ASIC2: variants seen among roughly 807,000 people sequenced by gnomAD.
The protein encoded by ASIC2 is acid sensing ion channel subunit 2.
Under a neutral mutation model 57.3 loss-of-function variants are expected in ASIC2, and 25 were observed. The ratio of observed to expected loss-of-function variants is 0.44; its 90% CI spans 0.32 to 0.61. The LOEUF (loss-of-function observed/expected upper bound fraction) is 0.61, where lower values mean the gene tolerates loss of function less well. Among genes scored for constraint, ASIC2 ranks in the 20% least tolerant of loss-of-function variants. ASIC2 has a pLI of 0.06. For synonymous variants in ASIC2, 319 were observed against 307.5 expected (o/e 1.04, Z -0.39); for missense variants, 641 against 738.1 (o/e 0.87, Z 1.52).
At chr17:33,188,968 G>A (rs1270685215) in intron 1 of ASIC2, among the ~76,000 whole-genome samples, 1 of 152,156 alleles carries the variant, frequency 6.6e-6, no homozygotes, top group East Asian at 1.9e-4. Flanking sequence ...TATAGCATAT[G>A]TAGAAGAAAA....
At chr17:33,604,894 T>A (rs148675893) in intron 1 of ASIC2, among the ~76,000 whole-genome samples, 4 of 152,300 alleles carry the variant, frequency 2.6e-5, no homozygotes, top group African/African-American at 9.6e-5. Flanking sequence ...GGAATTAGGA[T>A]GTTTCCAAAG....
At chr17:33,584,362 A>G (rs1305374820) in intron 1 of ASIC2, among the ~76,000 whole-genome samples, 1 of 152,162 alleles carries the variant, frequency 6.6e-6, no homozygotes, top group Non-Finnish European at 1.5e-5. Flanking sequence ...GGGGTGGCTA[A>G]CAAGAGAATG....
At chr17:33,863,284 T>G (rs1914142707) in intron 1 of ASIC2, among the ~76,000 whole-genome samples, 1 of 152,244 alleles carries the variant, frequency 6.6e-6, no homozygotes, top group South Asian at 2.1e-4. Flanking sequence ...AGGGATGGAA[T>G]GAGTAGCTCA....
chr17:33,241,808 C>T (rs1051670852), intron 1 of ASIC2, among the ~76,000 whole-genome samples: 29 of 152,326 alleles, frequency 1.9e-4, no homozygotes, highest in African/African-American at 5.8e-4. Flanking sequence ...GGCTTCACAA[C>T]CAAGCTGGGG....
chr17:33,686,879 TG>T (rs984441489), intron 1 of ASIC2, among the ~76,000 whole-genome samples: 20 of 152,066 alleles, frequency 1.3e-4, no homozygotes, highest in African/African-American at 4.6e-4. Context: ...GGGACAGGAC[TG>T]GGGTGATACC....
intron 1 of ASIC2, among the ~76,000 whole-genome samples, chr17:33,530,433 C>A (rs970373518): frequency 2.0e-5 from 3 of 152,238 alleles, no homozygotes; most frequent in Non-Finnish European, 4.4e-5. Context: ...CCATGGCAAG[C>A]AAGGGGAAGT....
intron 1 of ASIC2, among the ~76,000 whole-genome samples, chr17:33,365,666 A>C (rs747914831): frequency 6.6e-6 from 1 of 152,000 alleles, no homozygotes; most frequent in African/African-American, 2.4e-5. Context: ...TGGGGATGTC[A>C]CTTCTTCTTC....
intron 1 of ASIC2, among the ~76,000 whole-genome samples, chr17:33,551,266 A>G (rs1431254566): frequency 2.0e-5 from 3 of 152,116 alleles, no homozygotes; most frequent in African/African-American, 7.2e-5. Context: ...GTGTTGTGCA[A>G]TTAGGTTTGC....
chr17:33,760,503 T>C (rs1351504624), intron 1 of ASIC2, among the ~76,000 whole-genome samples: 1 of 152,070 alleles, frequency 6.6e-6, no homozygotes, highest in East Asian at 1.9e-4. Context: ...TAGATATGCA[T>C]ATATATAAAG....
At chr17:33,864,721 T>C (rs1048656190) in intron 1 of ASIC2, among the ~76,000 whole-genome samples, 1 of 152,098 alleles carries the variant, frequency 6.6e-6, no homozygotes, top group East Asian at 1.9e-4. Context: ...TGGCTACTCA[T>C]TGGCTAAGCA....
At chr17:33,694,798 G>A (rs1174265883) in intron 1 of ASIC2, among the ~76,000 whole-genome samples, 1 of 152,198 alleles carries the variant, frequency 6.6e-6, no homozygotes, top group African/African-American at 2.4e-5. Flanking sequence ...CTCAGGGTGA[G>A]TGGGATTCCC....
chr17:33,485,071 A>G (rs1913532396), intron 1 of ASIC2, among the ~76,000 whole-genome samples: 1 of 152,188 alleles, frequency 6.6e-6, no homozygotes, highest in Admixed American at 6.5e-5. Context: ...GAAGCCAAGA[A>G]CCCTCATGGG....
intron 1 of ASIC2, among the ~76,000 whole-genome samples, chr17:33,902,231 A>C (rs895552771): frequency 1.3e-5 from 2 of 152,140 alleles, no homozygotes; most frequent in African/African-American, 4.8e-5. Context: ...CTTCAGCCCT[A>C]CCAATTATTT....
At chr17:34,139,692 A>G (rs4795873) in intron 1 of ASIC2, among the ~76,000 whole-genome samples, 115,291 of 152,124 alleles carry the variant, frequency 0.76, 43,794 homozygotes, top group South Asian at 0.85. Flanking sequence ...TATACAAAAT[A>G]TCCAGAATGG....
intron 1 of ASIC2, among the ~76,000 whole-genome samples, chr17:33,500,641 C>A (rs1417628521): frequency 6.6e-6 from 1 of 152,186 alleles, no homozygotes; most frequent in Non-Finnish European, 1.5e-5. Context: ...GAGCCTTTAA[C>A]ATATTGTGTA....
chr17:33,706,204 C>CATATATATATAT (rs3030213), intron 1 of ASIC2, among the ~76,000 whole-genome samples: 1 of 140,766 alleles, frequency 7.1e-6, no homozygotes, highest in Non-Finnish European at 1.5e-5. Context: ...ATATATGATT[C>CATATATATATAT]ATATATATAT....
intron 1 of ASIC2, among the ~76,000 whole-genome samples, chr17:33,377,316 G>A (rs1909316224): frequency 6.6e-6 from 1 of 152,234 alleles, no homozygotes; most frequent in African/African-American, 2.4e-5. Flanking sequence ...CTCCCAAAGT[G>A]CTGCAATTAC....
chr17:33,518,338 C>G (rs560635182), intron 1 of ASIC2, among the ~76,000 whole-genome samples: 2 of 152,300 alleles, frequency 1.3e-5, no homozygotes, highest in East Asian at 1.9e-4. Flanking sequence ...ATGCTGCCCA[C>G]GTGGGCTCTG....
chr17:33,014,198 T>C, intron 9 of ASIC2, 132 bp from the exon 10 acceptor site: 1 of 716,998 alleles, frequency 1.4e-6, no homozygotes, highest in Admixed American at 2.1e-5. Context: ...AGACATCTGA[T>C]AGGCTAGTTT....
Sources: gnomAD v4.1 joint callset for allele counts (sites outside exome capture counted in the v4.1 genomes callset) on GRCh38, gnomAD v4.1.1 for gene constraint, MANE v1.5 for transcripts, NCBI Gene and HGNC (gene_info 2026-07-23, HGNC 2026-07-21) for gene names.